Variants in GMEB2 observed in about 807,000 individuals in gnomAD.
GMEB2 encodes glucocorticoid modulatory element binding protein 2, also known as glucocorticoid modulatory element-binding protein 2.
In GMEB2, 7 loss-of-function variants were observed where a neutral mutation model predicts 45.7. The ratio of observed to expected loss-of-function variants is 0.15; its 90% CI spans 0.09 to 0.29. The LOEUF is 0.29. Among genes scored for constraint, GMEB2 ranks in the 10% least tolerant of loss-of-function variants. GMEB2 has a pLI of 1.00. For missense variants in GMEB2, 582 were observed against 739.2 expected, an observed-to-expected ratio of 0.79 and a Z score of 2.47; for synonymous variants, 322 against 323.6, an observed-to-expected ratio of 1.00 and a Z score of 0.05.
rs2083117973 is a variant in GMEB2, at chr20:63,588,906, G to A, written c.*1183C>T. 2 of 398,776 alleles carry A rather than the reference G, an allele frequency of 5.0e-6. No homozygotes were observed. The highest frequency in any genetic ancestry group is 7.1e-5 in the East Asian group (2 of 28,096). 24.7% of individuals were successfully genotyped at this position (398,776 alleles called of 1,614,324 possible). ...CTTGTGAGTCCAAGGCCAGGTCTCA[G>A]GACAGCCACAGACAGCCCTTCCAGA... On this transcript the variant is annotated 3_prime_UTR_variant, in exon 10 of 10. Coordinates refer to ENST00000370077, the MANE Select transcript of GMEB2 (RefSeq NM_012384.5).
chr20:63,590,986 G>A (rs958911023), intron 9 of GMEB2, among the ~76,000 whole-genome samples: 27 of 152,130 alleles, frequency 1.8e-4, no homozygotes, highest in African/African-American at 6.3e-4. Context: ...CGGGGCCTGT[G>A]TGCAAGCGTG....
rs1453400083 is a variant in GMEB2 at position 63,608,922 on chromosome 20, A to T, written c.132-4082T>A. Among the ~76,000 whole-genome samples, 15 of 27,500 alleles carry T rather than the reference A, an allele frequency of 5.5e-4. 4 individuals are homozygous for T. Among genetic ancestry groups the T allele is most frequent in the East Asian group, 1.1e-3 (2 of 1,756 alleles). The allele number at this position is 27,500 out of a possible 152,430, so 18.0% of individuals were successfully genotyped here. A position where few individuals can be genotyped will look rare whatever the true frequency, so the allele number is the denominator to read the frequency against. Reference sequence around the variant, plus strand: ...TGACCTCACCTCCATTTCTAGAAACATGCCCCTGTGACCCCACCTCCATTT... The same window carrying T: ...TGACCTCACCTCCATTTCTAGAAACTTGCCCCTGTGACCCCACCTCCATTT... On this transcript the variant is annotated intron_variant, in intron 2 of 9. Coordinates refer to ENST00000370077, the MANE Select transcript of GMEB2 (RefSeq NM_012384.5).
chr20:63,610,687 G>A (rs781130161), intron 2 of GMEB2, among the ~76,000 whole-genome samples: 2 of 152,208 alleles, frequency 1.3e-5, no homozygotes, highest in African/African-American at 4.8e-5. Flanking sequence ...AGAAGAAGGC[G>A]CATGCAGACT....
Position 63,589,335 on chromosome 20 carries a change from G to C in GMEB2, c.*754C>G, listed in dbSNP as rs567259380. 2 of 398,104 alleles carry C rather than the reference G, an allele frequency of 5.0e-6. No individual in the cohort carries two copies. Among genetic ancestry groups the C allele is most frequent in the African/African-American group, 2.1e-5 (1 of 48,632 alleles). 24.7% of individuals were successfully genotyped at this position (398,104 alleles called of 1,614,324 possible). A position where few individuals can be genotyped will look rare whatever the true frequency, so the allele number is the denominator to read the frequency against. On this transcript the variant is annotated 3_prime_UTR_variant, in exon 10 of 10. Transcript: ENST00000370077. ...CTAGGCACTCACCATTATTTTGGTT[G>C]AAAATGCTATAAATCTGACTCTTCC...
chr20:63,588,616 G>A lies in GMEB2; in HGVS notation c.*1473C>T, dbSNP rs530757385. On this transcript the variant is annotated 3_prime_UTR_variant, in exon 10 of 10. Coordinates refer to ENST00000370077, the MANE Select transcript of GMEB2 (RefSeq NM_012384.5). ...AGGACAGGGCCCTGGTGACAATGGC[G>A]CAGAGGTGGGGTCTGGGCCGCTCAC... 3 of 397,764 alleles carry A rather than the reference G, an allele frequency of 7.5e-6. No homozygotes were observed. Among genetic ancestry groups the A allele is most frequent in the South Asian group, 1.4e-4 (1 of 7,030 alleles). 24.6% of individuals were successfully genotyped at this position (397,764 alleles called of 1,614,324 possible).
chr20:63,624,726 G>T (rs1366136891), intron 1 of GMEB2, among the ~76,000 whole-genome samples: 1 of 152,072 alleles, frequency 6.6e-6, no homozygotes, highest in African/African-American at 2.4e-5. Context: ...TTCTTTTTTT[G>T]AGACGGAGTC....
intron 2 of GMEB2, among the ~76,000 whole-genome samples, chr20:63,611,150 A>G (rs1268435914): frequency 1.3e-5 from 2 of 152,230 alleles, no homozygotes; most frequent in Non-Finnish European, 2.9e-5. Flanking sequence ...TGCCAGAAAC[A>G]AGCACTGCTG....
intron 5 of GMEB2, 133 bp from the exon 6 acceptor site, chr20:63,595,900 G>A (rs1569049417): frequency 1.2e-5 from 9 of 731,502 alleles, no homozygotes; most frequent in Non-Finnish European, 1.2e-5. Context: ...CACAGGGCAG[G>A]GTGGGCTCTA....
intron 2 of GMEB2, among the ~76,000 whole-genome samples, chr20:63,609,862 C>T (rs1454353920): frequency 1.4e-5 from 2 of 138,114 alleles, no homozygotes; most frequent in African/African-American, 5.2e-5. Context: ...CTGACCTCAC[C>T]TCCATTTCTA....
intron 4 of GMEB2, 86 bp from the exon 5 acceptor site, chr20:63,597,946 G>T: frequency 1.3e-6 from 1 of 798,948 alleles, no homozygotes; most frequent in Non-Finnish European, 2.3e-6. Context: ...TGAGTCAGGC[G>T]CGCAAGGCAG....
At chr20:63,600,561 T>C (rs920729693) in intron 4 of GMEB2, among the ~76,000 whole-genome samples, 2 of 151,108 alleles carry the variant, frequency 1.3e-5, no homozygotes, top group East Asian at 2.0e-4. Flanking sequence ...CTACTAAAAA[T>C]ACAAAAATCA....
chr20:63,597,733 G>A (rs1404041985), intron 5 of GMEB2, 24 bp downstream of exon 5: 1 of 1,316,126 alleles, frequency 7.6e-7, no homozygotes, highest in Non-Finnish European at 1.1e-6. Context: ...CCAGCAGGGA[G>A]GCTGACCCTG....
In GMEB2 at chr20:63,619,523, G is replaced by A. The variant is rs754427614; in HGVS notation, c.-57-69C>T. ...ATCCACACAACATAGCACTCACAAA[G>A]GCATCTCTAATCAGCTCCAAAGACC... On this transcript the variant is annotated intron_variant, in intron 1 of 9. Transcript: ENST00000370077. The surrounding 1 kb of genome is among the most constrained non-coding windows in gnomAD (Gnocchi z 4.6). 5.3e-6 allele frequency: 5 copies of A among 935,876 alleles called. No homozygotes were observed. The highest frequency in any genetic ancestry group is 1.7e-5 in the South Asian group (1 of 57,662). The allele number at this position is 935,876 out of a possible 1,614,324, so 58.0% of individuals were successfully genotyped here.
At chr20:63,596,854 C>T (rs1293219437) in intron 5 of GMEB2, among the ~76,000 whole-genome samples, 1 of 152,146 alleles carries the variant, frequency 6.6e-6, no homozygotes, top group East Asian at 1.9e-4. Flanking sequence ...CCCGTCTCTA[C>T]TAAAAATACA....
At position 63,592,864 on chromosome 20, in the gene GMEB2, C is replaced by T. The variant is rs546700948; in HGVS notation, c.691+147G>A. ...TAGCAGGTCAGCCTCAGAGCGCCCA[C>T]GACAATGCTGCTGGAACCAGGCCTT... is the stretch of plus-strand genomic sequence containing the variant. On this transcript the variant is annotated intron_variant, in intron 7 of 9. Coordinates refer to ENST00000370077, the MANE Select transcript of GMEB2 (RefSeq NM_012384.5). This position sits in a 1 kb window ranked among gnomAD's most constrained non-coding sequence, Gnocchi z 8.2. The T allele has an allele frequency of 1.4e-5, 10 of 717,870 alleles. No individual in the cohort carries two copies. Among genetic ancestry groups the T allele is most frequent in the Middle Eastern group, 3.7e-4 (1 of 2,696 alleles). The allele number at this position is 717,870 out of a possible 1,614,324, so 44.5% of individuals were successfully genotyped here. A position where few individuals can be genotyped will look rare whatever the true frequency, so the allele number is the denominator to read the frequency against.
intron 3 of GMEB2, 146 bp downstream of exon 3, chr20:63,604,597 G>T: frequency 1.6e-6 from 1 of 611,836 alleles, no homozygotes; most frequent in Non-Finnish European, 3.0e-6. Flanking sequence ...CTGGGGCCTG[G>T]CCTCTCACTC....
At position 63,597,813 on chromosome 20, in the gene GMEB2, C is replaced by T; in HGVS notation, c.405G>A (p.Gly135=). ...ISPKEFVHLA[G]KSTLKDWKRA... The stretch of plus-strand genomic sequence containing the variant: ...TCTTCCAGTCCTTCAGGGTGGACTT[C>T]CCGGCCAGGTGCACAAATTCCTTTG... The change falls in exon 5 of 10, where the codon GGG becomes GGA. Residue 135 remains glycine, a synonymous_variant. Coordinates refer to ENST00000370077, the MANE Select transcript of GMEB2 (RefSeq NM_012384.5). The T allele has an allele frequency of 6.2e-7, 1 of 1,612,154 alleles. No homozygotes were observed. Among genetic ancestry groups the T allele is most frequent in the East Asian group, 2.2e-5 (1 of 44,868 alleles).
chr20:63,621,991 G>A (rs1176257556), intron 1 of GMEB2, among the ~76,000 whole-genome samples: 4 of 151,824 alleles, frequency 2.6e-5, no homozygotes, highest in Non-Finnish European at 5.9e-5. Flanking sequence ...GCCAGGCATG[G>A]TGGTGTGCAC....
chr20:63,600,491 G>A (rs2083234030), intron 4 of GMEB2, among the ~76,000 whole-genome samples: 2 of 151,534 alleles, frequency 1.3e-5, no homozygotes. Context: ...GCCAAGGCGG[G>A]CAGGTCACCT....
Sources: allele counts gnomAD v4.1 joint callset (sites outside exome capture counted in the v4.1 genomes callset), GRCh38; gene constraint gnomAD v4.1.1; non-coding constraint Gnocchi (gnomAD v3.1); transcripts MANE v1.5; gene names NCBI Gene and HGNC (gene_info 2026-07-23, HGNC 2026-07-21).